TMPRSS15: variants seen among roughly 807,000 people sequenced by gnomAD.
TMPRSS15 encodes transmembrane serine protease 15.
TMPRSS15 carries 128 observed loss-of-function variants against 125.3 expected under a neutral mutation model. The ratio of observed to expected loss-of-function variants is 1.02; its 90% CI spans 0.89 to 1.18. The LOEUF is 1.18. TMPRSS15 is among the 50% of genes most tolerant of loss of function. The pLI is 0.00. For synonymous variants in TMPRSS15, 446 were observed against 423.2 expected, an observed-to-expected ratio of 1.05 and a Z score of -0.66; for missense variants, 1,283 against 1,212.7, an observed-to-expected ratio of 1.06 and a Z score of -0.86.
intron 1 of TMPRSS15, among the ~76,000 whole-genome samples, chr21:18,474,776 T>C (rs1192325648): frequency 2.0e-5 from 3 of 152,178 alleles, no homozygotes; most frequent in Admixed American, 2.0e-4. Context: ...CTTCCAATTA[T>C]TTACTTCATA....
chr21:18,458,558 G>T (rs1261089775), intron 1 of TMPRSS15, among the ~76,000 whole-genome samples: 1 of 152,164 alleles, frequency 6.6e-6, no homozygotes, highest in African/African-American at 2.4e-5. Flanking sequence ...GTCGGACAAA[G>T]TGTTTCCATT....
In TMPRSS15 at chr21:18,403,522, C is replaced by T. The variant is rs1601446837; in HGVS notation, c.101G>A (p.Gly34Glu). 1.2e-6 allele frequency: 2 copies of T among 1,614,138 alleles called. No individual in the cohort carries two copies. The highest frequency in any genetic ancestry group is 4.5e-5 in the East Asian group (2 of 44,868). ...TGTCAGGCAGGATACTGCAATTAAT[C>T]CAGCACAGAGCACTACCAATATGGC... Reference protein sequence around the residue: ...LFAILVVLCAGLIAVSCLTIK... With the variant: ...LFAILVVLCAELIAVSCLTIK... The change falls in exon 1 of 25, where the codon GGA (glycine) becomes GAA (glutamate). Residue 34 changes from glycine (G) to glutamate (E), a missense_variant. Gly to Glu is a moderately conservative substitution (Grantham distance 98). Coordinates refer to ENST00000284885, the MANE Select transcript of TMPRSS15 (RefSeq NM_002772.3).
chr21:18,293,217 A>T (rs949838263), intron 21 of TMPRSS15, among the ~76,000 whole-genome samples: 1 of 152,200 alleles, frequency 6.6e-6, no homozygotes, highest in Non-Finnish European at 1.5e-5. Flanking sequence ...TGTGTCTGAC[A>T]GTTGGTCTTC....
intron 6 of TMPRSS15, among the ~76,000 whole-genome samples, chr21:18,366,191 G>C (rs2075735795): frequency 6.6e-6 from 1 of 152,084 alleles, no homozygotes; most frequent in Non-Finnish European, 1.5e-5. Context: ...ATTGGAGCTA[G>C]GTGAATTTCA....
intron 13 of TMPRSS15, among the ~76,000 whole-genome samples, chr21:18,332,419 C>T (rs529673932): frequency 6.6e-6 from 1 of 152,114 alleles, no homozygotes; most frequent in South Asian, 2.1e-4. Flanking sequence ...TGTATGTCAC[C>T]TTTTGAAAAG....
chr21:18,458,035 G>T (rs1978475717), intron 1 of TMPRSS15, among the ~76,000 whole-genome samples: 1 of 152,122 alleles, frequency 6.6e-6, no homozygotes, highest in South Asian at 2.1e-4. Context: ...AAGCCCAGGA[G>T]GTTAGTGTAA....
At chr21:18,288,321 G>C (rs531832078) in intron 21 of TMPRSS15, among the ~76,000 whole-genome samples, 2 of 152,196 alleles carry the variant, frequency 1.3e-5, no homozygotes, top group South Asian at 4.2e-4. Flanking sequence ...AGATCAGAGA[G>C]AGTTAGAAGG....
chr21:18,287,085 T>C (rs1339266517), intron 21 of TMPRSS15, among the ~76,000 whole-genome samples: 1 of 152,238 alleles, frequency 6.6e-6, no homozygotes, highest in Non-Finnish European at 1.5e-5. Context: ...CTTTACTGCA[T>C]GTATCACTGC....
intron 1 of TMPRSS15, among the ~76,000 whole-genome samples, chr21:18,413,213 C>T (rs1236386260): frequency 6.7e-6 from 1 of 149,944 alleles, no homozygotes; most frequent in East Asian, 2.0e-4. Context: ...CCCTCCCTCC[C>T]TTCCTCTTCC....
At chr21:18,317,837 T>TCCATCCCATC (rs60306073) in intron 16 of TMPRSS15, among the ~76,000 whole-genome samples, 781 of 30,182 alleles carry the variant, frequency 0.026, 19 homozygotes, top group African/African-American at 0.069. Context: ...CCCATCCTAT[T>TCCATCCCATC]CCATCCCATC....
intron 1 of TMPRSS15, among the ~76,000 whole-genome samples, chr21:18,474,718 A>C (rs1978845198): frequency 6.6e-6 from 1 of 152,238 alleles, no homozygotes; most frequent in South Asian, 2.1e-4. Context: ...ATCAGAACAA[A>C]CAAAAGATGT....
At chr21:18,348,062 G>A (rs1386047559) in intron 10 of TMPRSS15, among the ~76,000 whole-genome samples, 1 of 152,170 alleles carries the variant, frequency 6.6e-6, no homozygotes, top group African/African-American at 2.4e-5. Flanking sequence ...GAATGCACCT[G>A]TGATCCCAGC....
At chr21:18,326,228 A>G (rs75037634) in intron 16 of TMPRSS15, among the ~76,000 whole-genome samples, 2,064 of 152,284 alleles carry the variant, frequency 0.014, 41 homozygotes, top group African/African-American at 0.048. Flanking sequence ...TCTGCTTAAA[A>G]ACTTTTGTGG....
At chr21:18,318,766 T>C (rs112681977) in intron 16 of TMPRSS15, among the ~76,000 whole-genome samples, 11 of 152,332 alleles carry the variant, frequency 7.2e-5, no homozygotes, top group African/African-American at 2.6e-4. Context: ...ATGAACCTTT[T>C]GTTTTGCTTA....
chr21:18,430,508 C>G (rs2076214296), intron 1 of TMPRSS15, among the ~76,000 whole-genome samples: 1 of 151,958 alleles, frequency 6.6e-6, no homozygotes, highest in Non-Finnish European at 1.5e-5. Flanking sequence ...TCAACCAAAA[C>G]TGGGCATTTT....
chr21:18,471,663 T>C (rs1405639434), intron 1 of TMPRSS15, among the ~76,000 whole-genome samples: 1 of 152,022 alleles, frequency 6.6e-6, no homozygotes, highest in African/African-American at 2.4e-5. Flanking sequence ...ATAATTTTTA[T>C]AGAAACCTTT....
chr21:18,332,048 A>T, intron 14 of TMPRSS15, 36 bp downstream of exon 14: 1 of 1,575,370 alleles, frequency 6.3e-7, no homozygotes, highest in Non-Finnish European at 8.7e-7. Context: ...TCATATGGAC[A>T]TTTGTTTCTG....
upstream of TMPRSS15, among the ~76,000 whole-genome samples, chr21:18,408,740 C>A (rs761582467): frequency 2.6e-5 from 4 of 151,960 alleles, no homozygotes; most frequent in Non-Finnish European, 5.9e-5. Context: ...GAAGGTGGAC[C>A]TTTAAATATT....
chr21:18,421,311 A>C (rs1019389286), intron 1 of TMPRSS15, among the ~76,000 whole-genome samples: 1 of 152,176 alleles, frequency 6.6e-6, no homozygotes, highest in Non-Finnish European at 1.5e-5. Context: ...GTTTGCATAG[A>C]GGTTGAAAGT....
Sources: gnomAD v4.1 joint callset for allele counts (sites outside exome capture counted in the v4.1 genomes callset) on GRCh38, gnomAD v4.1.1 for gene constraint, MANE v1.5 for transcripts, NCBI Gene and HGNC (gene_info 2026-07-23, HGNC 2026-07-21) for gene names.